Variants in PRRC2B observed in about 807,000 individuals in gnomAD.
PRRC2B encodes the protein protein PRRC2B.
Under a neutral mutation model 242.3 loss-of-function variants are expected in PRRC2B, and 68 were observed. That is an observed-to-expected ratio of 0.28 (90% CI 0.23 to 0.34). The LOEUF is 0.34. Among genes scored for constraint, PRRC2B ranks in the 10% least tolerant of loss-of-function variants. PRRC2B has a pLI of 1.00. For synonymous variants in PRRC2B, 1,228 were observed against 1,173.6 expected, an observed-to-expected ratio of 1.05 and a Z score of -0.95; for missense variants, 2,835 against 2,954.8, an observed-to-expected ratio of 0.96 and a Z score of 0.94.
intron 19 of PRRC2B, among the ~76,000 whole-genome samples, chr9:131,481,311 C>CAAA (rs11404767): frequency 0.015 from 1,176 of 78,426 alleles, 35 homozygotes; most frequent in African/African-American, 0.024. Context: ...ACTCCGTCTC[C>CAAA]AAAAAAAAAA....
At chr9:131,432,830 C>T (rs117902097) in intron 3 of PRRC2B, 36 bp downstream of exon 3, 22 of 1,606,240 alleles carry the variant, frequency 1.4e-5, no homozygotes, top group East Asian at 2.2e-5. Flanking sequence ...TGGGAGCTGG[C>T]GCTCCAAGGG....
chr9:131,493,990 G>C lies in PRRC2B; in HGVS notation c.6474-415G>C, dbSNP rs191518288. On this transcript the variant is annotated intron_variant, in intron 30 of 31. Transcript: ENST00000683519. ...CCCATCCCCTTTTCTGAAAAGTGAA[G>C]ACTAGAACAATACTCGGCACAGTTC... Among the ~76,000 whole-genome samples the C allele has an allele frequency of 1.5e-3, 236 of 152,294 alleles. 1 individual carries two copies. The highest frequency in any genetic ancestry group is 5.4e-3 in the African/African-American group (225 of 41,550).
rs1944409936 is a variant in PRRC2B at position 131,499,380 on chromosome 9, C to T, written c.*3506C>T. The T allele has an allele frequency of 6.6e-6, 1 of 152,244 alleles. No homozygotes were observed. The highest frequency in any genetic ancestry group is 1.5e-5 in the Non-Finnish European group (1 of 68,046). 9.4% of individuals were successfully genotyped at this position (152,244 alleles called of 1,614,324 possible). A position where few individuals can be genotyped will look rare whatever the true frequency, so the allele number is the denominator to read the frequency against. ...CTGCCCCTCAAATCTTCATTTGTCC[C>T]TTTTCACTTCCTGCAGAACAAGCCT... On this transcript the variant is annotated 3_prime_UTR_variant, in exon 32 of 32. Transcript: ENST00000683519.
intron 1 of PRRC2B, among the ~76,000 whole-genome samples, chr9:131,407,939 G>A (rs1372310498): frequency 1.3e-5 from 2 of 152,190 alleles, no homozygotes; most frequent in South Asian, 2.1e-4. Flanking sequence ...ATGTTTATTC[G>A]GGCAGCCCGA....
chr9:131,386,568 G>A lies in PRRC2B; in HGVS notation c.-56+12837G>A, dbSNP rs565783504. 8.0e-5 allele frequency among the ~76,000 whole-genome samples: 12 copies of A among 150,024 alleles called. 1 individual carries two copies. The highest frequency in any genetic ancestry group is 2.4e-4 in the African/African-American group (10 of 41,224). On this transcript the variant is annotated intron_variant, in intron 1 of 1. Coordinates refer to the PRRC2B transcript ENST00000682525. Reference sequence around the variant, plus strand: ...TCATCTGTCTTCCCAGAACACCCACGTCCTTCCAGGTTTTTCATACGCTTA... The same window carrying A: ...TCATCTGTCTTCCCAGAACACCCACATCCTTCCAGGTTTTTCATACGCTTA...
chr9:131,442,142 GT>G (rs887187737), intron 5 of PRRC2B, among the ~76,000 whole-genome samples: 3 of 149,604 alleles, frequency 2.0e-5, no homozygotes, highest in African/African-American at 7.4e-5. Context: ...TTGTTTGTTT[GT>G]TTTTTTTTAG....
intron 1 of PRRC2B, among the ~76,000 whole-genome samples, chr9:131,396,270 C>T (rs376770773): frequency 5.9e-5 from 9 of 151,576 alleles, no homozygotes; most frequent in African/African-American, 2.2e-4. Flanking sequence ...CTCTCTCCCT[C>T]CCTCCCTTTC....
rs151106147 is a variant in PRRC2B, at chr9:131,424,554, C to T, written c.-51-5540C>T. Among the ~76,000 whole-genome samples, 468 of 152,086 alleles carry T rather than the reference C, an allele frequency of 3.1e-3. 1 individual carries two copies. The highest frequency in any genetic ancestry group is 0.014 in the Middle Eastern group (4 of 294). ...TACGAAAATTAGCTGGGCGTGGTGGCGCGCACCTGTAATCCCAGCTACTCG... is the reference window on the plus strand; with the variant it reads ...TACGAAAATTAGCTGGGCGTGGTGGTGCGCACCTGTAATCCCAGCTACTCG... On this transcript the variant is annotated intron_variant, in intron 1 of 31. Transcript: ENST00000683519.
intron 1 of PRRC2B, among the ~76,000 whole-genome samples, chr9:131,399,832 A>T (rs1355886551): frequency 1.3e-5 from 2 of 152,176 alleles, no homozygotes; most frequent in African/African-American, 4.8e-5. Context: ...TTATACGGAT[A>T]TGCCATAATT....
intron 11 of PRRC2B, among the ~76,000 whole-genome samples, chr9:131,460,807 C>T (rs887518941): frequency 6.6e-6 from 1 of 152,066 alleles, no homozygotes; most frequent in African/African-American, 2.4e-5. Flanking sequence ...CCTGTCTTGT[C>T]CTGGGTCCGC....
At chr9:131,481,067 T>TGA (rs1003538780) in intron 19 of PRRC2B, among the ~76,000 whole-genome samples, 5 of 151,644 alleles carry the variant, frequency 3.3e-5, no homozygotes, top group Non-Finnish European at 7.4e-5. Flanking sequence ...TTTGGGAGGC[T>TGA]GAGGCAGGCA....
intron 1 of PRRC2B, among the ~76,000 whole-genome samples, chr9:131,397,414 A>C (rs1375489177): frequency 1.3e-5 from 2 of 152,188 alleles, no homozygotes; most frequent in Non-Finnish European, 2.9e-5. Context: ...GGCAGGTCAG[A>C]ACTGGTTCCA....
At chr9:131,440,327 T>C (rs1195806817) in intron 5 of PRRC2B, among the ~76,000 whole-genome samples, 1 of 152,128 alleles carries the variant, frequency 6.6e-6, no homozygotes, top group Non-Finnish European at 1.5e-5. Context: ...TTTGTTTTTT[T>C]TGAGACAGAG....
intron 1 of PRRC2B, among the ~76,000 whole-genome samples, chr9:131,418,259 G>A (rs531016474): frequency 1.2e-4 from 18 of 152,372 alleles, no homozygotes; most frequent in African/African-American, 4.3e-4. Context: ...AAGTGCAGGA[G>A]GTGACATTTG....
intron 20 of PRRC2B, 129 bp downstream of exon 20, chr9:131,481,937 G>A (rs1943882522): frequency 1.2e-6 from 1 of 825,756 alleles, no homozygotes; most frequent in East Asian, 2.7e-5. Flanking sequence ...GAATTAGGTT[G>A]TTTCCATGGG....
At position 131,448,543 on chromosome 9, in the gene PRRC2B, C is replaced by CAAAAAAAAAAAAAAAAAACAAAAAAAAAA. The variant is rs1838885117; in HGVS notation, c.1120+757_1120+758insCAAAAAAAAAAAAAAAAAAAAAAAAAAAA. Among the ~76,000 whole-genome samples, 5 of 39,874 alleles carry CAAAAAAAAAAAAAAAAAACAAAAAAAAAA rather than the reference C, an allele frequency of 1.3e-4. 2 individuals are homozygous for CAAAAAAAAAAAAAAAAAACAAAAAAAAAA. The highest frequency in any genetic ancestry group is 1.6e-4 in the Non-Finnish European group (3 of 18,710). The allele number at this position is 39,874 out of a possible 152,430, so 26.2% of individuals were successfully genotyped here. A position where few individuals can be genotyped will look rare whatever the true frequency, so the allele number is the denominator to read the frequency against. On this transcript the variant is annotated intron_variant, in intron 9 of 31. Coordinates refer to ENST00000683519, the MANE Select transcript of PRRC2B (RefSeq NM_013318.4). ...TGGGCGACAGAGGGAGACACTGTCT[C>CAAAAAAAAAAAAAAAAAACAAAAAAAAAA]AAAAAAAAAAAAAAAAAAAAAAAAA...
rs201966613 is a variant in PRRC2B, at chr9:131,444,171, C to T, written c.470-14C>T. The T allele has an allele frequency of 2.0e-5, 33 of 1,613,832 alleles. No homozygotes were observed. The highest frequency in any genetic ancestry group is 1.7e-4 in the Middle Eastern group (1 of 6,060). On this transcript the variant is annotated splice_polypyrimidine_tract_variant and intron_variant, in intron 5 of 31. Coordinates refer to ENST00000683519, the MANE Select transcript of PRRC2B (RefSeq NM_013318.4). ...CATCTCACTTCCTCCATGTCTACCC[C>T]GTCTTCTTGACAGGTTTAAGGGGCT...
intron 5 of PRRC2B, among the ~76,000 whole-genome samples, chr9:131,441,848 C>G (rs1429225290): frequency 6.6e-6 from 1 of 152,222 alleles, no homozygotes; most frequent in Non-Finnish European, 1.5e-5. Context: ...TGCTGCCCCA[C>G]CAGTGGCTCA....
intron 1 of PRRC2B, among the ~76,000 whole-genome samples, chr9:131,400,306 TTTTTC>T (rs925405889): frequency 6.6e-5 from 10 of 151,594 alleles, no homozygotes; most frequent in South Asian, 6.3e-4. Context: ...AGGCTGTTTG[TTTTTC>T]TTTTCTTTTC....
Sources: allele counts gnomAD v4.1 joint callset (sites outside exome capture counted in the v4.1 genomes callset), GRCh38; gene constraint gnomAD v4.1.1; transcripts MANE v1.5; gene names NCBI Gene and HGNC (gene_info 2026-07-23, HGNC 2026-07-21).